The following MMEL1 variants were observed in gnomAD, a reference collection of about 807,000 sequenced individuals.
MMEL1 encodes the protein membrane metallo-endopeptidase-like 1.
MMEL1 carries 98 observed loss-of-function variants against 117.1 expected under a neutral mutation model. That is an observed-to-expected ratio of 0.84 (90% confidence interval 0.71 to 0.99). The LOEUF is 0.99. MMEL1 is among the 50% of genes least tolerant of loss of function. The probability of loss-of-function intolerance (pLI) is 0.00; values close to 1 mark genes in which losing one functional copy is unlikely to be tolerated. For missense variants in MMEL1, 1,014 were observed against 1,049.1 expected, an observed-to-expected ratio of 0.97 and a Z score of 0.46; for synonymous variants, 390 against 415.1, an observed-to-expected ratio of 0.94 and a Z score of 0.74.
intron 18 of MMEL1, 125 bp downstream of exon 18, chr1:2,594,260 T>G: frequency 3.7e-6 from 4 of 1,072,634 alleles, no homozygotes; most frequent in Non-Finnish European, 4.2e-6. Context: ...AGGGGTGACA[T>G]AGGAGAATGT....
Position 2,606,267 on chromosome 1 carries a change from G to A in MMEL1, c.731C>T (p.Ser244Phe). ...DLFIWNDDQN[S>F]SRHIIYIDQP... ...TCGTACGTAGATGATGTGCCGGCTGGAGTTCTGGTCGTCGTTCCAGATGAA... is the reference window on the plus strand; with the variant it reads ...TCGTACGTAGATGATGTGCCGGCTGAAGTTCTGGTCGTCGTTCCAGATGAA... The change falls in exon 8 of 24, where the codon TCC (serine) becomes TTC (phenylalanine). Residue 244 changes from serine (S) to phenylalanine (F), a missense_variant. Coordinates refer to ENST00000378412, the MANE Select transcript of MMEL1 (RefSeq NM_033467.4). 6.2e-7 allele frequency: 1 copy of A among 1,613,298 alleles called. No individual in the cohort carries two copies. The highest frequency in any genetic ancestry group is 1.1e-5 in the South Asian group (1 of 91,086).
rs1418156387 is a variant in MMEL1, at chr1:2,612,387, A to C, written c.155-183T>G. ...ATCCACAGAGTTCACTGCAGGGGCC[A>C]GCTTCAATCTGTGTCCTGCTGGGCT... On this transcript the variant is annotated intron_variant, in intron 2 of 23. Transcript: ENST00000378412. The surrounding 1 kb of genome is among the most constrained non-coding windows in gnomAD (Gnocchi z 5.4). Among the ~76,000 whole-genome samples the C allele has an allele frequency of 2.0e-5, 3 of 152,114 alleles. No homozygotes were observed. The highest frequency in any genetic ancestry group is 2.9e-5 in the Non-Finnish European group (2 of 67,994).
intron 2 of MMEL1, among the ~76,000 whole-genome samples, chr1:2,624,282 G>C (rs555239084): frequency 5.9e-5 from 9 of 152,184 alleles, no homozygotes; most frequent in Admixed American, 5.2e-4. Flanking sequence ...AGAACCGTCT[G>C]GTCCCCGGGC....
chr1:2,605,558 C>A lies in MMEL1; in HGVS notation c.816G>T (p.Lys272Asn). Reference protein sequence around the residue: ...EYYFNGGSNRKVREAYLQFMV... With the variant: ...EYYFNGGSNRNVREAYLQFMV... ...GGCATTGCGGTGAGGACCCACCCACCTTCCGGTTGCTGCCGCCGTTGAAGT... is the reference window on the plus strand; with the variant it reads ...GGCATTGCGGTGAGGACCCACCCACATTCCGGTTGCTGCCGCCGTTGAAGT... The change falls in exon 9 of 24, where the codon AAG (lysine) becomes AAT (asparagine). Residue 272 changes from lysine to asparagine, a missense_variant and splice_region_variant. Lys to Asn is a moderately conservative substitution (Grantham distance 94). Coordinates refer to ENST00000378412, the MANE Select transcript of MMEL1 (RefSeq NM_033467.4). 9 of 1,612,036 alleles carry A rather than the reference C, an allele frequency of 5.6e-6. No homozygotes were observed. The highest frequency in any genetic ancestry group is 7.6e-6 in the Non-Finnish European group (9 of 1,178,994).
rs763732451 is a variant in MMEL1, at chr1:2,590,718, A to G, written c.*272T>C. On this transcript the variant is annotated 3_prime_UTR_variant, in exon 24 of 24. Coordinates refer to ENST00000378412, the MANE Select transcript of MMEL1 (RefSeq NM_033467.4). The stretch of plus-strand genomic sequence containing the variant: ...ATGCACCTTGGAGGGTGGGCAGGAC[A>G]CAGTTGATTGTCTCTACAGAGCTGT... 1.1e-4 allele frequency: 41 copies of G among 382,832 alleles called. No homozygotes were observed. The highest frequency in any genetic ancestry group is 1.1e-4 in the Non-Finnish European group (24 of 216,018). 23.7% of individuals were successfully genotyped at this position (382,832 alleles called of 1,614,324 possible).
chr1:2,598,416 G>T lies in MMEL1; in HGVS notation c.1179-116C>A, dbSNP rs190313203. On this transcript the variant is annotated intron_variant, in intron 12 of 23. Coordinates refer to ENST00000378412, the MANE Select transcript of MMEL1 (RefSeq NM_033467.4). ...CCACCCCAGAGAGTTATGGGTGCTG[G>T]AGAAAACCTCCAGGACAACCACCTC... 1.9e-3 allele frequency: 2,357 copies of T among 1,232,704 alleles called. 7 individuals are homozygous for T. The highest frequency in any genetic ancestry group is 2.0e-3 in the Non-Finnish European group (1,710 of 868,676). 76.4% of individuals were successfully genotyped at this position (1,232,704 alleles called of 1,614,324 possible).
intron 2 of MMEL1, among the ~76,000 whole-genome samples, chr1:2,613,824 C>T (rs1165504718): frequency 6.6e-6 from 1 of 152,008 alleles, no homozygotes; most frequent in Admixed American, 6.6e-5. Flanking sequence ...GCACTCCAGC[C>T]TGGGAGACAG....
At chr1:2,592,743 G>C (rs1644757759) in intron 20 of MMEL1, 23 bp from the exon 21 acceptor site, 2 of 1,610,664 alleles carry the variant, frequency 1.2e-6, no homozygotes, top group Non-Finnish European at 1.7e-6. Flanking sequence ...GACAGGATTG[G>C]GGCAGCCCCG....
chr1:2,608,816 A>G (rs1368295374), intron 6 of MMEL1, among the ~76,000 whole-genome samples: 1 of 152,152 alleles, frequency 6.6e-6, no homozygotes, highest in Non-Finnish European at 1.5e-5. Flanking sequence ...ACACATATAC[A>G]TAACAACACA....
intron 11 of MMEL1, among the ~76,000 whole-genome samples, chr1:2,601,710 C>G (rs901285824): frequency 1.3e-5 from 2 of 152,334 alleles, no homozygotes; most frequent in Admixed American, 1.3e-4. Context: ...AAGAATCAAT[C>G]AGAGAAAGAT....
chr1:2,607,105 C>T (rs752980683), intron 6 of MMEL1, 36 bp from the exon 7 acceptor site: 2 of 1,575,398 alleles, frequency 1.3e-6, no homozygotes, highest in East Asian at 2.2e-5. Flanking sequence ...TCCCAGCCTC[C>T]CTGTGGCTCA....
intron 6 of MMEL1, among the ~76,000 whole-genome samples, chr1:2,608,906 C>CACACATAT (rs1645077589): frequency 6.6e-6 from 1 of 151,666 alleles, no homozygotes; most frequent in Non-Finnish European, 1.5e-5. Flanking sequence ...CATGCATGAA[C>CACACATAT]ACATATATAC....
At chr1:2,628,615 G>C (rs1015074309) in intron 2 of MMEL1, among the ~76,000 whole-genome samples, 2 of 151,234 alleles carry the variant, frequency 1.3e-5, no homozygotes, top group Admixed American at 6.6e-5. Context: ...GCTGGAAGGT[G>C]ACCAGGTCTA....
intron 2 of MMEL1, among the ~76,000 whole-genome samples, chr1:2,619,751 G>T (rs528082519): frequency 6.6e-6 from 1 of 150,544 alleles, no homozygotes; most frequent in African/African-American, 2.4e-5. Flanking sequence ...ATAAAACCAC[G>T]TAGTTGTTGA....
Position 2,593,798 on chromosome 1 carries a change from A to G in MMEL1, c.1867+16T>C. 6.3e-7 allele frequency: 1 copy of G among 1,585,206 alleles called. No homozygotes were observed. Among genetic ancestry groups the G allele is most frequent in the Non-Finnish European group, 8.6e-7 (1 of 1,162,986 alleles). On this transcript the variant is annotated intron_variant, in intron 19 of 23. Transcript: ENST00000378412. ...GAGAGGGGAGGGCGTGTGTGATTGG[A>G]GGGGCGGCCGCTCACCATTGTCGTC...
chr1:2,609,849 G>A lies in MMEL1; in HGVS notation c.293-18C>T, dbSNP rs199599889. ...CCTGGCAGCTGCTCGTCCCCATGGC[G>A]TGGAGCAGGGAGAGGGGAGACAGAG... On this transcript the variant is annotated intron_variant, in intron 4 of 23. Transcript: ENST00000378412. The A allele has an allele frequency of 1.7e-4, 265 of 1,592,412 alleles. No homozygotes were observed. Among genetic ancestry groups the A allele is most frequent in the African/African-American group, 1.5e-3 (114 of 74,808 alleles).
At chr1:2,617,637 T>C (rs979655654) in intron 2 of MMEL1, among the ~76,000 whole-genome samples, 2 of 152,092 alleles carry the variant, frequency 1.3e-5, no homozygotes, top group African/African-American at 4.8e-5. Flanking sequence ...ATCTCTACTT[T>C]TCTTGGGAAA....
chr1:2,592,678 C>T lies in MMEL1; in HGVS notation c.2044G>A (p.Gly682Arg), dbSNP rs776012302. The change falls in exon 21 of 24, where the codon GGA becomes AGA. Residue 682 changes from glycine to arginine, a missense_variant. Transcript: ENST00000378412. ...NTLGENIADN[G>R]GVRQAYKAYL... ...ACCTTATAGGCTTGCCGCACCCCTC[C>T]GTTGTCAGCAATGTTTTCCCCAAGG... 9.4e-6 allele frequency: 15 copies of T among 1,601,038 alleles called. No individual in the cohort carries two copies. Among genetic ancestry groups the T allele is most frequent in the Middle Eastern group, 1.7e-4 (1 of 6,058 alleles).
intron 19 of MMEL1, among the ~76,000 whole-genome samples, chr1:2,593,405 C>T (rs767434079): frequency 1.3e-5 from 2 of 152,226 alleles, no homozygotes; most frequent in South Asian, 2.1e-4. Flanking sequence ...CAGTCCCCAC[C>T]GAGGGGCGGA....
Sources: gnomAD v4.1 joint callset for allele counts (sites outside exome capture counted in the v4.1 genomes callset) on GRCh38, gnomAD v4.1.1 for gene constraint, Gnocchi (gnomAD v3.1) non-coding constraint, MANE v1.5 for transcripts, NCBI Gene and HGNC (gene_info 2026-07-23, HGNC 2026-07-21) for gene names.